Variants in OPCML observed in about 807,000 individuals in gnomAD.
OPCML encodes opioid-binding protein/cell adhesion molecule.
In OPCML, 13 loss-of-function variants were observed where a neutral mutation model predicts 37.8. The ratio of observed to expected loss-of-function variants is 0.34; its 90% CI spans 0.22 to 0.55. The LOEUF (loss-of-function observed/expected upper bound fraction) is 0.55, where lower values mean the gene tolerates loss of function less well. OPCML is among the 20% of genes least tolerant of loss of function. OPCML has a pLI of 0.91. For missense variants in OPCML, 341 were observed against 435.6 expected (o/e 0.78, Z 1.93); for synonymous variants, 176 against 168.8 (o/e 1.04, Z -0.33).
At chr11:132,467,645 T>A (rs543514924) in intron 4 of OPCML, among the ~76,000 whole-genome samples, 1 of 152,290 alleles carries the variant, frequency 6.6e-6, no homozygotes, top group African/African-American at 2.4e-5. Context: ...GAGGGTATGC[T>A]CACTGGAGAA....
intron 2 of OPCML, among the ~76,000 whole-genome samples, chr11:132,942,251 T>C (rs565365277): frequency 6.6e-6 from 1 of 152,354 alleles, no homozygotes; most frequent in Admixed American, 6.5e-5. Context: ...AGTGATTCTC[T>C]GTAACTCATT....
rs1427389422 is a variant in OPCML at position 132,523,248 on chromosome 11, G to A, written c.505+5813C>T. ...ACCTGAACATCTACCAGAGTGACTAGAAGACAAAACTGCCTAACCAGGTGA... is the reference window on the plus strand; with the variant it reads ...ACCTGAACATCTACCAGAGTGACTAAAAGACAAAACTGCCTAACCAGGTGA... On this transcript the variant is annotated intron_variant, in intron 4 of 7. Transcript: ENST00000524381. 3.3e-5 allele frequency among the ~76,000 whole-genome samples: 5 copies of A among 152,160 alleles called. 1 individual carries two copies. Among genetic ancestry groups the A allele is most frequent in the Admixed American group, 3.3e-4 (5 of 15,282 alleles).
chr11:132,864,020 C>T (rs910996654), intron 2 of OPCML, among the ~76,000 whole-genome samples: 3 of 152,118 alleles, frequency 2.0e-5, no homozygotes, highest in East Asian at 1.9e-4. Context: ...TGACTGCAAC[C>T]GCCGCCTCCT....
In OPCML at chr11:133,000,392, C is replaced by G. The variant is rs185235958; in HGVS notation, c.62-57382G>C. Among the ~76,000 whole-genome samples the G allele has an allele frequency of 2.3e-3, 355 of 152,334 alleles. 1 individual carries two copies. The highest frequency in any genetic ancestry group is 8.4e-3 in the African/African-American group (350 of 41,576). On this transcript the variant is annotated intron_variant, in intron 1 of 7. Transcript: ENST00000524381. ...CCTCTCAAAGTGCTGGGATTACAGGCGTGAGCCACCGCGCTCATCCTGAAA... is the reference window on the plus strand; with the variant it reads ...CCTCTCAAAGTGCTGGGATTACAGGGGTGAGCCACCGCGCTCATCCTGAAA...
At chr11:132,658,028 C>T (rs898149106) in intron 2 of OPCML, among the ~76,000 whole-genome samples, 12 of 152,198 alleles carry the variant, frequency 7.9e-5, no homozygotes, top group Non-Finnish European at 2.9e-5. Flanking sequence ...ACACCTCTCA[C>T]CTACTCTCCT....
In OPCML at chr11:132,668,955, C is replaced by T. The variant is rs963309673; in HGVS notation, c.147-11636G>A. Among the ~76,000 whole-genome samples the T allele has an allele frequency of 3.3e-5, 5 of 152,128 alleles. No individual in the cohort carries two copies. In the East Asian group the frequency reaches 9.7e-4, roughly 29 times the overall value. On this transcript the variant is annotated intron_variant, in intron 2 of 7. Transcript: ENST00000524381. ...AGGTTTATTTTCTCAGCTATAGCCA[C>T]TGAGACAACTTTAACTTTTTATTTT... is the stretch of plus-strand genomic sequence containing the variant.
rs183067053 is a variant in OPCML at position 132,427,928 on chromosome 11, G to A, written c.917-7635C>T. On this transcript the variant is annotated intron_variant, in intron 7 of 7. Coordinates refer to ENST00000524381, the MANE Select transcript of OPCML (RefSeq NM_001012393.5). Reference sequence around the variant, plus strand: ...GTTGGGGGAAAATACAAATGATTACGCTGCTGTCATCAGCCAAAAGCAATG... The same window carrying A: ...GTTGGGGGAAAATACAAATGATTACACTGCTGTCATCAGCCAAAAGCAATG... Among the ~76,000 whole-genome samples the A allele has an allele frequency of 5.3e-5, 8 of 152,254 alleles. No homozygotes were observed. The East Asian group carries it at 5.8e-4, about 11-fold the overall frequency.
At position 132,771,903 on chromosome 11, in the gene OPCML, T is replaced by A. The variant is rs1946649700; in HGVS notation, c.147-114584A>T. ...ACATGAGCCAGGAGCTAACGCGGCC[T>A]CTTCTTGTAAATGAAGCATAACTGG... On this transcript the variant is annotated intron_variant, in intron 2 of 7. Transcript: ENST00000524381. 6 of 152,360 alleles carry A rather than the reference T, an allele frequency of 3.9e-5. No individual in the cohort carries two copies. In the South Asian group the frequency reaches 1.2e-3, roughly 32 times the overall value. The allele number at this position is 152,360 out of a possible 1,614,324, so 9.4% of individuals were successfully genotyped here. A position where few individuals can be genotyped will look rare whatever the true frequency, so the allele number is the denominator to read the frequency against.
intron 1 of OPCML, among the ~76,000 whole-genome samples, chr11:132,980,996 T>C (rs930769297): frequency 2.0e-5 from 3 of 152,240 alleles, no homozygotes; most frequent in Non-Finnish European, 4.4e-5. Flanking sequence ...AACAGCATGT[T>C]ACTATACTGA....
At chr11:133,324,891 G>C (rs1265659808) in intron 1 of OPCML, among the ~76,000 whole-genome samples, 2 of 151,956 alleles carry the variant, frequency 1.3e-5, no homozygotes, top group African/African-American at 4.8e-5. Context: ...ATACAGAATA[G>C]TATATAGTAT....
At chr11:132,708,309 A>G in intron 2 of OPCML, among the ~76,000 whole-genome samples, 1 of 152,074 alleles carries the variant, frequency 6.6e-6, no homozygotes, top group East Asian at 1.9e-4. Flanking sequence ...AGGAATTAAC[A>G]TTTTCTTTTT....
intron 1 of OPCML, among the ~76,000 whole-genome samples, chr11:133,161,991 T>A (rs887403526): frequency 2.8e-5 from 4 of 144,536 alleles, no homozygotes; most frequent in African/African-American, 1.0e-4. Flanking sequence ...CTGTCTTTTT[T>A]TTTTTTTTTT....
intron 2 of OPCML, among the ~76,000 whole-genome samples, chr11:132,827,883 G>A (rs565619527): frequency 1.2e-4 from 18 of 151,438 alleles, no homozygotes; most frequent in Admixed American, 7.2e-4. Flanking sequence ...TGCCCGCCTC[G>A]GCCTCCCACA....
intron 2 of OPCML, among the ~76,000 whole-genome samples, chr11:132,910,904 C>A (rs950311554): frequency 6.6e-6 from 1 of 152,112 alleles, no homozygotes. Context: ...AGAAAGTGAA[C>A]AAAGACCCCA....
intron 1 of OPCML, among the ~76,000 whole-genome samples, chr11:133,373,177 A>G (rs1368913602): frequency 6.6e-6 from 1 of 151,992 alleles, no homozygotes; most frequent in Non-Finnish European, 1.5e-5. Context: ...CCAAACACTC[A>G]TTTCAATTTC....
At chr11:132,580,624 TCTAATA>T (rs1196754471) in intron 3 of OPCML, among the ~76,000 whole-genome samples, 1 of 152,192 alleles carries the variant, frequency 6.6e-6, no homozygotes, top group East Asian at 1.9e-4. Context: ...TTAGTAATTA[TCTAATA>T]CTAATACTTT....
At chr11:132,666,075 A>T (rs762574120) in intron 2 of OPCML, among the ~76,000 whole-genome samples, 5 of 152,208 alleles carry the variant, frequency 3.3e-5, no homozygotes, top group Non-Finnish European at 5.9e-5. Context: ...GCAATATGCA[A>T]TACACAAAGT....
chr11:133,087,874 C>T (rs1033407513), intron 1 of OPCML, among the ~76,000 whole-genome samples: 1 of 152,282 alleles, frequency 6.6e-6, no homozygotes, highest in Non-Finnish European at 1.5e-5. Context: ...ATCTGTAAAA[C>T]GGGCACTCAG....
rs1453478702 is a variant in OPCML, at chr11:133,359,046, T to C, written c.61+173218A>G. 8.5e-5 allele frequency among the ~76,000 whole-genome samples: 13 copies of C among 152,200 alleles called. No homozygotes were observed. In the East Asian group the frequency reaches 2.1e-3, roughly 25 times the overall value. On this transcript the variant is annotated intron_variant, in intron 1 of 7. Coordinates refer to ENST00000524381, the MANE Select transcript of OPCML (RefSeq NM_001012393.5). ...AAAAACTTTGTTGTTTATTCTGAAT[T>C]ATAGGAGAAGCCATCAGAGGAATTT...
Sources: allele counts gnomAD v4.1 joint callset (sites outside exome capture counted in the v4.1 genomes callset), GRCh38; gene constraint gnomAD v4.1.1; transcripts MANE v1.5; gene names NCBI Gene and HGNC (gene_info 2026-07-23, HGNC 2026-07-21).